CALN1: variants seen among roughly 807,000 people sequenced by gnomAD.
The protein encoded by CALN1 is calcium-binding protein 8.
Under a neutral mutation model 30.6 loss-of-function variants are expected in CALN1, and 17 were observed. The observed-to-expected ratio is 0.56, with a 90% CI of 0.38 to 0.83. The LOEUF is 0.83. Ranked by LOEUF, CALN1 falls within the 40% of genes least tolerant of loss-of-function variation. CALN1 has a pLI of 0.00. For missense variants in CALN1, 291 were observed against 354.9 expected, an observed-to-expected ratio of 0.82 and a Z score of 1.45; for synonymous variants, 156 against 131.4, an observed-to-expected ratio of 1.19 and a Z score of -1.28.
intron 5 of CALN1, among the ~76,000 whole-genome samples, chr7:72,018,919 C>T (rs1052965410): frequency 6.6e-6 from 1 of 152,106 alleles, no homozygotes; most frequent in Non-Finnish European, 1.5e-5. Context: ...TCACTGCAAC[C>T]TCCACCTCCC....
At chr7:72,368,690 A>G (rs563201093) in intron 2 of CALN1, among the ~76,000 whole-genome samples, 1 of 152,292 alleles carries the variant, frequency 6.6e-6, no homozygotes, top group Admixed American at 6.5e-5. Flanking sequence ...TGACCATTAA[A>G]GAACTCATGA....
chr7:72,438,445 A>G (rs558857395), intron 1 of CALN1, among the ~76,000 whole-genome samples: 2 of 152,152 alleles, frequency 1.3e-5, no homozygotes, highest in South Asian at 2.1e-4. Flanking sequence ...TTGACTCCCT[A>G]TTTCTCCAAA....
chr7:72,143,808 G>A (rs1241935679), intron 3 of CALN1, among the ~76,000 whole-genome samples: 1 of 152,166 alleles, frequency 6.6e-6, no homozygotes, highest in East Asian at 1.9e-4. Flanking sequence ...AGAAGAGAGT[G>A]GGGACCAATA....
intron 4 of CALN1, among the ~76,000 whole-genome samples, chr7:72,061,816 A>G (rs907306247): frequency 1.3e-4 from 20 of 150,624 alleles, no homozygotes; most frequent in Non-Finnish European, 2.8e-4. Context: ...AAAAAAAAAA[A>G]AAGAAATAAA....
chr7:72,278,901 G>T, intron 2 of CALN1, 91 bp from the exon 3 acceptor site: 1 of 1,495,438 alleles, frequency 6.7e-7, no homozygotes, highest in South Asian at 1.2e-5. Context: ...TTTTCAGATG[G>T]CCAGTGTCAT....
At chr7:72,451,746 TC>T (rs1277065578), upstream of CALN1, among the ~76,000 whole-genome samples, 1 of 152,188 alleles carries the variant, frequency 6.6e-6, no homozygotes, top group African/African-American at 2.4e-5. Flanking sequence ...CTTTGTTTAT[TC>T]CTGGCACATC....
At chr7:71,791,743 C>T (rs559477731) in intron 6 of CALN1, among the ~76,000 whole-genome samples, 4 of 152,330 alleles carry the variant, frequency 2.6e-5, no homozygotes, top group African/African-American at 9.6e-5. Context: ...GGCACGGTGG[C>T]TCACGCCTGT....
At chr7:72,109,504 T>C (rs1056291621) in intron 3 of CALN1, among the ~76,000 whole-genome samples, 2 of 152,232 alleles carry the variant, frequency 1.3e-5, no homozygotes, top group African/African-American at 4.8e-5. Flanking sequence ...ATCAATGGTA[T>C]AGAAACAAAT....
At chr7:71,972,787 T>A (rs1797913920) in intron 5 of CALN1, among the ~76,000 whole-genome samples, 1 of 152,192 alleles carries the variant, frequency 6.6e-6, no homozygotes, top group Non-Finnish European at 1.5e-5. Context: ...TTGATTCCTG[T>A]ATAGCAATCA....
intron 3 of CALN1, among the ~76,000 whole-genome samples, chr7:72,108,083 TCAGCAGAGC>T (rs1250512076): frequency 6.6e-6 from 1 of 152,194 alleles, no homozygotes; most frequent in African/African-American, 2.4e-5. Context: ...AATCATGATG[TCAGCAGAGC>T]TGTGCTCCCC....
chr7:71,796,230 G>A (rs899966131), intron 6 of CALN1, among the ~76,000 whole-genome samples: 1 of 151,812 alleles, frequency 6.6e-6, no homozygotes, highest in African/African-American at 2.4e-5. Flanking sequence ...CACCTTTTGG[G>A]TACTATATGA....
At chr7:72,441,484 G>C (rs1046725835) in intron 1 of CALN1, among the ~76,000 whole-genome samples, 6 of 151,418 alleles carry the variant, frequency 4.0e-5, no homozygotes, top group Admixed American at 6.6e-5. Context: ...TATAATCCCA[G>C]CTACTTGGGA....
chr7:71,956,208 G>C (rs186634312), intron 5 of CALN1, among the ~76,000 whole-genome samples: 2 of 151,792 alleles, frequency 1.3e-5, no homozygotes, highest in Non-Finnish European at 2.9e-5. Flanking sequence ...GGCTGGTCTC[G>C]AACTCCTGAC....
At chr7:72,176,764 T>C (rs1047099876) in intron 3 of CALN1, among the ~76,000 whole-genome samples, 2 of 152,092 alleles carry the variant, frequency 1.3e-5, no homozygotes, top group African/African-American at 2.4e-5. Context: ...CAATAGAGTC[T>C]CCCTTTCCCA....
the CALN1 span, among the ~76,000 whole-genome samples, chr7:72,463,553 C>T: frequency 1.3e-5 from 2 of 151,784 alleles, no homozygotes; most frequent in Non-Finnish European, 2.9e-5. Context: ...GGAGATCTGC[C>T]TACTTTATTT....
At chr7:72,154,660 T>C (rs1182570115) in intron 3 of CALN1, among the ~76,000 whole-genome samples, 2 of 152,160 alleles carry the variant, frequency 1.3e-5, no homozygotes, top group Non-Finnish European at 2.9e-5. Flanking sequence ...GTTGAAGTCC[T>C]AACCTCCAGC....
chr7:71,844,535 C>T (rs1790121182), intron 5 of CALN1, among the ~76,000 whole-genome samples: 2 of 152,184 alleles, frequency 1.3e-5, no homozygotes. Context: ...AAAATATCTT[C>T]TTGTTATCAC....
intron 4 of CALN1, among the ~76,000 whole-genome samples, chr7:72,060,742 C>T (rs1435214409): frequency 6.6e-6 from 1 of 152,054 alleles, no homozygotes; most frequent in Non-Finnish European, 1.5e-5. Context: ...CAAGATCTGG[C>T]TGTTTAGAAG....
chr7:72,281,559 T>G (rs1191158829), intron 2 of CALN1, among the ~76,000 whole-genome samples: 2 of 152,114 alleles, frequency 1.3e-5, no homozygotes, highest in Non-Finnish European at 2.9e-5. Flanking sequence ...TAAGCCTCAC[T>G]AGATGAGCCT....
Sources: allele counts gnomAD v4.1 joint callset (sites outside exome capture counted in the v4.1 genomes callset), GRCh38; gene constraint gnomAD v4.1.1; transcripts MANE v1.5; gene names NCBI Gene and HGNC (gene_info 2026-07-23, HGNC 2026-07-21).